The following HNF1A variants were observed in gnomAD, a reference collection of about 807,000 sequenced individuals.
HNF1A encodes the protein HNF1 homeobox A.
In HNF1A, 21 loss-of-function variants were observed where a neutral mutation model predicts 62.2. The ratio of observed to expected loss-of-function variants is 0.34; its 90% CI spans 0.24 to 0.49. HNF1A has a LOEUF of 0.49. Ranked by LOEUF, HNF1A falls within the 20% of genes least tolerant of loss-of-function variation. HNF1A has a pLI of 0.99. For missense variants in HNF1A, 687 were observed against 832.3 expected, an observed-to-expected ratio of 0.83 and a Z score of 2.15; for synonymous variants, 374 against 366.8, an observed-to-expected ratio of 1.02 and a Z score of -0.22.
At position 121,002,003 on chromosome 12, in the gene HNF1A, G is replaced by A. The variant is rs1316140136; in HGVS notation, c.*811G>A. 2 of 536,564 alleles carry A rather than the reference G, an allele frequency of 3.7e-6. No homozygotes were observed. The allele number at this position is 536,564 out of a possible 1,614,324, so 33.2% of individuals were successfully genotyped here. A position where few individuals can be genotyped will look rare whatever the true frequency, so the allele number is the denominator to read the frequency against. Reference sequence around the variant, plus strand: ...TGGGAAGTCGTCCTTACTCCTGTGGGAGCCTCGCAACCCGTGCCAAGTCCA... The same window carrying A: ...TGGGAAGTCGTCCTTACTCCTGTGGAAGCCTCGCAACCCGTGCCAAGTCCA... On this transcript the variant is annotated 3_prime_UTR_variant, in exon 10 of 10. Coordinates refer to ENST00000257555, the MANE Select transcript of HNF1A (RefSeq NM_000545.8).
At chr12:120,989,189 G>A (rs111390597) in intron 2 of HNF1A, among the ~76,000 whole-genome samples, 157 bp downstream of exon 2, 15 of 152,186 alleles carry the variant, frequency 9.9e-5, no homozygotes, top group Admixed American at 2.6e-4. Flanking sequence ...CCTATTCTGC[G>A]CCAGGCACTC....
chr12:120,983,916 C>CTG lies in HNF1A; in HGVS notation c.326+4854_326+4855dup, dbSNP rs61680384. Among the ~76,000 whole-genome samples, 689 of 137,364 alleles carry CTG rather than the reference C, an allele frequency of 5.0e-3. 8 individuals carry two copies. The highest frequency in any genetic ancestry group is 0.016 in the African/African-American group (570 of 35,354). The allele number at this position is 137,364 out of a possible 152,430, so 90.1% of individuals were successfully genotyped here. On this transcript the variant is annotated intron_variant, in intron 1 of 9. Coordinates refer to ENST00000257555, the MANE Select transcript of HNF1A (RefSeq NM_000545.8). Reference sequence around the variant, plus strand: ...AAAAATAGTCAGGCCCTTGAAGACTCTGTGTGTGTGTGTGTGTGTGTGTGT... The same window carrying CTG: ...AAAAATAGTCAGGCCCTTGAAGACTCTGTGTGTGTGTGTGTGTGTGTGTGTGT...
chr12:120,981,858 C>A (rs907390355), intron 1 of HNF1A, among the ~76,000 whole-genome samples: 2 of 152,160 alleles, frequency 1.3e-5, no homozygotes, highest in Non-Finnish European at 2.9e-5. Context: ...CCACTTGTAC[C>A]CACATCCTGC....
rs1876390982 is a variant in HNF1A at position 120,984,049 on chromosome 12, A to G, written c.327-4784A>G. ...ATCGATTCAGTAGGTTCTAGAAAAA[A>G]GTGGCACAGGTGGCTTCTCCCAGAA... On this transcript the variant is annotated intron_variant, in intron 1 of 9. Coordinates refer to ENST00000257555, the MANE Select transcript of HNF1A (RefSeq NM_000545.8). 2.6e-5 allele frequency among the ~76,000 whole-genome samples: 4 copies of G among 152,120 alleles called. No homozygotes were observed. The South Asian group carries it at 8.3e-4, about 32-fold the overall frequency.
At chr12:120,980,035 C>T (rs1315093241) in intron 1 of HNF1A, among the ~76,000 whole-genome samples, 1 of 152,140 alleles carries the variant, frequency 6.6e-6, no homozygotes, top group African/African-American at 2.4e-5. Context: ...CCCTGACCTC[C>T]ACCCTACAGC....
In HNF1A at chr12:120,997,628, C is replaced by T. The variant is rs765827203; in HGVS notation, c.1464C>T (p.Pro488=). ...PPVQSHVTQS[P]FMATMAQLQS... Reference sequence around the variant, plus strand: ...TGCAGAGCCATGTGACCCAGAGCCCCTTCATGGCCACCATGGCTCAGCTGC... The same window carrying T: ...TGCAGAGCCATGTGACCCAGAGCCCTTTCATGGCCACCATGGCTCAGCTGC... Residue 488 remains proline (P), a synonymous_variant, in exon 7 of 10, where the codon CCC becomes CCT. Coordinates refer to ENST00000257555, the MANE Select transcript of HNF1A (RefSeq NM_000545.8). 1.2e-6 allele frequency: 2 copies of T among 1,613,350 alleles called. No individual in the cohort carries two copies. Among genetic ancestry groups the T allele is most frequent in the Non-Finnish European group, 1.7e-6 (2 of 1,179,772 alleles).
intron 3 of HNF1A, 43 bp from the exon 4 acceptor site, chr12:120,994,121 C>T (rs1250745629): frequency 6.2e-7 from 1 of 1,602,888 alleles, no homozygotes; most frequent in Admixed American, 1.7e-5. Context: ...GACAGGGTTC[C>T]TCTGAGCCTG....
chr12:120,984,460 C>G (rs1876411662), intron 1 of HNF1A, among the ~76,000 whole-genome samples: 1 of 151,766 alleles, frequency 6.6e-6, no homozygotes, highest in Non-Finnish European at 1.5e-5. Flanking sequence ...GAAGACTGAC[C>G]CTATTCTCTT....
At chr12:120,990,193 G>C (rs909525679) in intron 2 of HNF1A, among the ~76,000 whole-genome samples, 1 of 152,048 alleles carries the variant, frequency 6.6e-6, no homozygotes, top group Non-Finnish European at 1.5e-5. Context: ...CCAGGCTGGA[G>C]TGCAGTGGCG....
At chr12:120,983,916 C>CTGTGTGTGTGTGTGTGTGTGTGTGTGTG (rs61680384) in intron 1 of HNF1A, among the ~76,000 whole-genome samples, 20 of 137,362 alleles carry the variant, frequency 1.5e-4, no homozygotes, top group African/African-American at 4.0e-4. Context: ...CTTGAAGACT[C>CTGTGTGTGTGTGTGTGTGTGTGTGTGTG]TGTGTGTGTG....
At chr12:120,980,457 G>A (rs1257235399) in intron 1 of HNF1A, among the ~76,000 whole-genome samples, 1 of 151,908 alleles carries the variant, frequency 6.6e-6, no homozygotes, top group East Asian at 1.9e-4. Context: ...AGCAGTCAGG[G>A]CCCCCTGACT....
chr12:120,987,563 G>A (rs956006818), intron 1 of HNF1A, among the ~76,000 whole-genome samples: 4 of 150,214 alleles, frequency 2.7e-5, no homozygotes, highest in African/African-American at 7.3e-5. Context: ...AGCCAAGGGT[G>A]CAGATTTTCA....
chr12:120,994,092 C>A, intron 3 of HNF1A, 72 bp from the exon 4 acceptor site: 1 of 1,571,174 alleles, frequency 6.4e-7, no homozygotes, highest in East Asian at 2.3e-5. Context: ...CTTCTCAGAA[C>A]CCTCCCCTTC....
intron 3 of HNF1A, among the ~76,000 whole-genome samples, 175 bp downstream of exon 3, chr12:120,993,881 C>A (rs1035836964): frequency 4.6e-5 from 7 of 152,086 alleles, no homozygotes; most frequent in Non-Finnish European, 2.9e-5. Context: ...TTCCTCGCAG[C>A]CCCCCTGCAC....
chr12:120,986,206 A>G (rs1482734639), intron 1 of HNF1A, among the ~76,000 whole-genome samples: 3 of 152,040 alleles, frequency 2.0e-5, no homozygotes, highest in African/African-American at 7.2e-5. Context: ...CTCACTTCAA[A>G]TTATTCATAA....
At chr12:120,989,803 T>C (rs1876720906) in intron 2 of HNF1A, among the ~76,000 whole-genome samples, 1 of 152,158 alleles carries the variant, frequency 6.6e-6, no homozygotes. Flanking sequence ...GGCAGAGGTA[T>C]CAGGAAGCCT....
intron 7 of HNF1A, chr12:120,998,109 G>A (rs200753546): frequency 1.7e-5 from 6 of 349,672 alleles, no homozygotes; most frequent in East Asian, 1.3e-4. Flanking sequence ...GTGAAACCCC[G>A]TCTCTACTAA....
rs766956862 is a variant in HNF1A at position 120,978,928 on chromosome 12, C to T, written c.160C>T (p.Arg54Ter). The change falls in exon 1 of 10, where the codon CGA (arginine) becomes TGA (stop). Residue 54 changes from arginine (R) to a stop codon, truncating the protein, a stop_gained. Transcript: ENST00000257555. LOFTEE classifies it high-confidence loss of function. Reference protein sequence around the residue: ...LDKGESCGGGRGELAELPNGL... With the variant: ...LDKGESCGGG ...CAAGGGGGAGTCCTGCGGCGGCGGT[C>T]GAGGGGAGCTGGCTGAGCTGCCCAA... 1.9e-6 allele frequency: 3 copies of T among 1,610,494 alleles called. No homozygotes were observed. Among genetic ancestry groups the T allele is most frequent in the Non-Finnish European group, 2.5e-6 (3 of 1,178,478 alleles).
Position 120,978,558 on chromosome 12 carries a change from A to G in HNF1A, c.-211A>G. 1 of 623,726 alleles carries G rather than the reference A, an allele frequency of 1.6e-6. No individual in the cohort carries two copies. The highest frequency in any genetic ancestry group is 2.9e-6 in the Non-Finnish European group (1 of 349,422). 38.6% of individuals were successfully genotyped at this position (623,726 alleles called of 1,614,324 possible). On this transcript the variant is annotated 5_prime_UTR_variant, in exon 1 of 10. Coordinates refer to ENST00000257555, the MANE Select transcript of HNF1A (RefSeq NM_000545.8). ...GAATTTCCCCAGCTCCAATGTAAAC[A>G]GAACAGGCAGGGGCCCTGATTCACG...
Sources: allele counts gnomAD v4.1 joint callset (sites outside exome capture counted in the v4.1 genomes callset), GRCh38; gene constraint gnomAD v4.1.1; transcripts MANE v1.5; gene names NCBI Gene and HGNC (gene_info 2026-07-23, HGNC 2026-07-21).